The following TENM2 variants were observed in gnomAD, a reference collection of about 807,000 sequenced individuals.
TENM2 encodes the protein teneurin-2.
In TENM2, 52 loss-of-function variants were observed where a neutral mutation model predicts 245.2. That is an observed-to-expected ratio of 0.21 (90% CI 0.17 to 0.27). The LOEUF (loss-of-function observed/expected upper bound fraction) is 0.27, where lower values mean the gene tolerates loss of function less well. TENM2 is among the 10% of genes least tolerant of loss of function. TENM2 has a pLI of 1.00. For missense variants in TENM2, 3,046 were observed against 3,666.8 expected (o/e 0.83, Z 4.37); for synonymous variants, 1,363 against 1,438.9 (o/e 0.95, Z 1.19).
intron 2 of TENM2, among the ~76,000 whole-genome samples, chr5:167,683,984 T>A (rs56950359): frequency 0.17 from 25,757 of 152,098 alleles, 2,821 homozygotes; most frequent in East Asian, 0.41. Context: ...AAAGAAGACA[T>A]TGCACACTCC....
At chr5:167,381,348 T>C (rs1761085303) in intron 2 of TENM2, among the ~76,000 whole-genome samples, 1 of 152,166 alleles carries the variant, frequency 6.6e-6, no homozygotes, top group South Asian at 2.1e-4. Context: ...CAACTCAGTT[T>C]GAGTAATGTT....
chr5:167,272,563 T>G, the TENM2 span, among the ~76,000 whole-genome samples: 1 of 152,138 alleles, frequency 6.6e-6, no homozygotes, highest in Non-Finnish European at 1.5e-5. Context: ...TAGCTCAAAT[T>G]AAGAAATAAG....
intron 4 of TENM2, among the ~76,000 whole-genome samples, chr5:167,959,282 C>T (rs1583488836): frequency 1.3e-5 from 2 of 151,844 alleles, no homozygotes; most frequent in South Asian, 2.1e-4. Context: ...GCAAGCTCCG[C>T]CTCCCAGGTT....
the TENM2 span, among the ~76,000 whole-genome samples, chr5:167,217,717 T>G: frequency 6.9e-6 from 1 of 145,192 alleles, no homozygotes; most frequent in Non-Finnish European, 1.5e-5. Flanking sequence ...ATGAGTGATA[T>G]ATATATATAT....
chr5:168,263,519 A>G (rs1768398131), downstream of TENM2: 1 of 152,666 alleles, frequency 6.6e-6, no homozygotes, highest in South Asian at 2.1e-4. Context: ...AGAAATTCCT[A>G]TCAAAAATCA....
chr5:167,281,107 A>C (rs970752390), upstream of TENM2, among the ~76,000 whole-genome samples: 2 of 148,148 alleles, frequency 1.3e-5, no homozygotes, highest in African/African-American at 2.5e-5. Flanking sequence ...AATACTGACA[A>C]TCAATGTTTT....
chr5:167,251,964 C>G, the TENM2 span, among the ~76,000 whole-genome samples: 1 of 152,114 alleles, frequency 6.6e-6, no homozygotes, highest in African/African-American at 2.4e-5. Context: ...AGATGAAACA[C>G]TATTCACACC....
intron 2 of TENM2, among the ~76,000 whole-genome samples, chr5:167,787,609 A>T (rs769714621): frequency 6.6e-6 from 1 of 152,214 alleles, no homozygotes; most frequent in Non-Finnish European, 1.5e-5. Flanking sequence ...TTCCTTTTCC[A>T]GTGATTCCAA....
intron 27 of TENM2, among the ~76,000 whole-genome samples, chr5:168,250,422 C>G (rs1767015307): frequency 6.6e-6 from 1 of 152,132 alleles, no homozygotes; most frequent in Non-Finnish European, 1.5e-5. Flanking sequence ...AGACCAGAAC[C>G]CCAAGTTCCA....
At chr5:167,778,155 G>A (rs1203594893) in intron 2 of TENM2, among the ~76,000 whole-genome samples, 1 of 152,166 alleles carries the variant, frequency 6.6e-6, no homozygotes, top group African/African-American at 2.4e-5. Flanking sequence ...GTAGGCTACA[G>A]TAAAAAGAGA....
At chr5:167,822,922 C>G (rs976687355) in intron 2 of TENM2, among the ~76,000 whole-genome samples, 1 of 152,112 alleles carries the variant, frequency 6.6e-6, no homozygotes, top group Non-Finnish European at 1.5e-5. Context: ...GACGTTGGAA[C>G]CATTTGTTAG....
chr5:168,139,553 G>A (rs776602443), intron 12 of TENM2: 19 of 456,320 alleles, frequency 4.2e-5, no homozygotes, highest in Non-Finnish European at 7.5e-5. Flanking sequence ...GGAGGTGGTT[G>A]GGCAGGCCTT....
chr5:167,813,956 G>A (rs1766841813), intron 2 of TENM2, among the ~76,000 whole-genome samples: 1 of 152,092 alleles, frequency 6.6e-6, no homozygotes, highest in Non-Finnish European at 1.5e-5. Context: ...TCGTGTTGAG[G>A]TTCATCTACA....
At chr5:168,116,888 C>T (rs961611708) in intron 9 of TENM2, among the ~76,000 whole-genome samples, 1 of 152,150 alleles carries the variant, frequency 6.6e-6, no homozygotes, top group Non-Finnish European at 1.5e-5. Context: ...ATTCTCGGAA[C>T]CTGTGCATTC....
intron 3 of TENM2, among the ~76,000 whole-genome samples, chr5:167,901,370 A>G (rs576562621): frequency 2.6e-5 from 4 of 152,228 alleles, no homozygotes; most frequent in Non-Finnish European, 5.9e-5. Flanking sequence ...ATTCTAGATC[A>G]TTACATATTT....
At chr5:168,144,583 T>A (rs1755874260) in intron 12 of TENM2, among the ~76,000 whole-genome samples, 1 of 151,414 alleles carries the variant, frequency 6.6e-6, no homozygotes, top group African/African-American at 2.4e-5. Context: ...TCTATCATTG[T>A]TGGACATTTG....
chr5:167,833,230 T>C (rs968841827), intron 2 of TENM2, among the ~76,000 whole-genome samples: 1 of 152,196 alleles, frequency 6.6e-6, no homozygotes, highest in African/African-American at 2.4e-5. Context: ...TTTATTTTAT[T>C]AAAATGTATC....
At chr5:167,337,136 A>T (rs1230690572) in intron 1 of TENM2, among the ~76,000 whole-genome samples, 5 of 150,586 alleles carry the variant, frequency 3.3e-5, no homozygotes, top group Admixed American at 6.6e-5. Context: ...AAAAAAAAAA[A>T]AAAAAAAAAA....
the TENM2 span, among the ~76,000 whole-genome samples, chr5:167,016,359 G>C: frequency 4.0e-5 from 6 of 149,892 alleles, no homozygotes; most frequent in Non-Finnish European, 8.9e-5. Flanking sequence ...GTACATTGCT[G>C]ATCATGTTCA....
Sources: gnomAD v4.1 joint callset for allele counts (sites outside exome capture counted in the v4.1 genomes callset) on GRCh38, gnomAD v4.1.1 for gene constraint, MANE v1.5 for transcripts, NCBI Gene and HGNC (gene_info 2026-07-23, HGNC 2026-07-21) for gene names.